NKAIN3: variants seen among roughly 807,000 people sequenced by gnomAD.
NKAIN3 encodes sodium/potassium transporting ATPase interacting 3.
NKAIN3 carries 25 observed loss-of-function variants against 30.2 expected under a neutral mutation model. That is an observed-to-expected ratio of 0.83 (90% CI 0.60 to 1.16). NKAIN3 has a LOEUF of 1.16. Ranked by LOEUF, NKAIN3 falls within the 50% of genes most tolerant of loss-of-function variation. The pLI is 0.00. For missense variants in NKAIN3, 225 were observed against 254.1 expected (o/e 0.89, Z 0.78); for synonymous variants, 91 against 89.6 (o/e 1.02, Z -0.09).
At chr8:62,518,943 C>G (rs189848158) in intron 1 of NKAIN3, among the ~76,000 whole-genome samples, 3 of 152,242 alleles carry the variant, frequency 2.0e-5, no homozygotes, top group Admixed American at 2.0e-4. Flanking sequence ...ACTAGGCAAT[C>G]TCTCAGAGTC....
At chr8:62,908,112 A>G (rs566032386) in intron 4 of NKAIN3, among the ~76,000 whole-genome samples, 2 of 152,260 alleles carry the variant, frequency 1.3e-5, no homozygotes, top group South Asian at 4.1e-4. Context: ...CATCAGTGTG[A>G]CCCGGATGTG....
rs1810595033 is a variant in NKAIN3 at position 62,589,801 on chromosome 8, T to A, written c.273+7T>A. The A allele has an allele frequency of 6.6e-7, 1 of 1,521,780 alleles. No homozygotes were observed. The highest frequency in any genetic ancestry group is 1.4e-5 in the African/African-American group (1 of 72,570). 94.3% of individuals were successfully genotyped at this position (1,521,780 alleles called of 1,614,324 possible). A position where few individuals can be genotyped will look rare whatever the true frequency, so the allele number is the denominator to read the frequency against. ...AGTAGGTGGACTCTCAAAGGTGAGT[T>A]TATCATGCTTTTAAAGTACACTTTA... On this transcript the variant is annotated splice_region_variant and intron_variant, in intron 3 of 6. Transcript: ENST00000623646.
rs561410539 is a variant in NKAIN3 at position 62,769,984 on chromosome 8, C to T, written c.471+22855C>T. On this transcript the variant is annotated intron_variant, in intron 4 of 6. Coordinates refer to ENST00000623646, the MANE Select transcript of NKAIN3 (RefSeq NM_001304533.3). ...TACTCATGCCCTTGCATAATCCTCTCCTCTTGAGTGTGAGTAGCATCTGGG... is the reference window on the plus strand; with the variant it reads ...TACTCATGCCCTTGCATAATCCTCTTCTCTTGAGTGTGAGTAGCATCTGGG... Among the ~76,000 whole-genome samples the T allele has an allele frequency of 2.6e-5, 4 of 152,294 alleles. No homozygotes were observed. In the East Asian group the frequency reaches 5.8e-4, roughly 22 times the overall value.
At chr8:62,511,512 A>T (rs1479593268) in intron 1 of NKAIN3, among the ~76,000 whole-genome samples, 1 of 152,150 alleles carries the variant, frequency 6.6e-6, no homozygotes, top group Non-Finnish European at 1.5e-5. Context: ...TTTTCTAAAC[A>T]ATAGTGGTGT....
At chr8:62,335,353 G>A (rs1815506238) in intron 1 of NKAIN3, among the ~76,000 whole-genome samples, 1 of 151,358 alleles carries the variant, frequency 6.6e-6, no homozygotes, top group African/African-American at 2.4e-5. Flanking sequence ...TTGAACTCGG[G>A]AGGTGGAGGT....
At chr8:62,679,959 G>C (rs923100261) in intron 3 of NKAIN3, among the ~76,000 whole-genome samples, 7 of 152,144 alleles carry the variant, frequency 4.6e-5, no homozygotes, top group Admixed American at 4.6e-4. Context: ...ATCTAGGTGA[G>C]CTTTATCTAA....
At chr8:62,580,015 C>T (rs959810465) in intron 2 of NKAIN3, among the ~76,000 whole-genome samples, 1 of 152,156 alleles carries the variant, frequency 6.6e-6, no homozygotes. Context: ...ATGCAATGTA[C>T]ATTAACCATT....
intron 4 of NKAIN3, among the ~76,000 whole-genome samples, chr8:62,820,408 G>T (rs576195611): frequency 6.6e-6 from 1 of 152,294 alleles, no homozygotes; most frequent in African/African-American, 2.4e-5. Context: ...ACTGTAAGAG[G>T]TGGGAAGAAG....
chr8:62,939,704 TGAGA>T (rs1822895403), intron 5 of NKAIN3, among the ~76,000 whole-genome samples: 1 of 152,036 alleles, frequency 6.6e-6, no homozygotes, highest in African/African-American at 2.4e-5. Flanking sequence ...AAAAAAATGC[TGAGA>T]GAATTTGCCA....
intron 3 of NKAIN3, among the ~76,000 whole-genome samples, chr8:62,726,662 A>G (rs1346801025): frequency 1.3e-5 from 2 of 151,956 alleles, no homozygotes; most frequent in Admixed American, 1.3e-4. Flanking sequence ...CCTTATATTT[A>G]TTATATTTAT....
intron 1 of NKAIN3, among the ~76,000 whole-genome samples, chr8:62,362,423 T>C (rs1469180294): frequency 6.6e-6 from 1 of 152,048 alleles, no homozygotes; most frequent in Non-Finnish European, 1.5e-5. Flanking sequence ...GGAAAATGAA[T>C]AAGAAACACT....
rs1389800344 is a variant in NKAIN3 at position 62,345,296 on chromosome 8, CAT to C, written c.54+96176_54+96177del. Reference sequence around the variant, plus strand: ...ACACATATACACGCACATATACACACATATATATGTATATATACACACATATA... The same window carrying C: ...ACACATATACACGCACATATACACACATATATGTATATATACACACATATA... On this transcript the variant is annotated intron_variant, in intron 1 of 6. Transcript: ENST00000623646. Among the ~76,000 whole-genome samples, 51 of 140,730 alleles carry C rather than the reference CAT, an allele frequency of 3.6e-4. 2 individuals are homozygous for C. Among genetic ancestry groups the C allele is most frequent in the African/African-American group, 9.4e-4 (35 of 37,326 alleles). 92.3% of individuals were successfully genotyped at this position (140,730 alleles called of 152,430 possible).
chr8:62,971,487 A>ATTAG lies in NKAIN3; in HGVS notation c.*6080_*6081insTTAG, dbSNP rs150415612. Among the ~76,000 whole-genome samples the ATTAG allele has an allele frequency of 0.1, 15,877 of 151,894 alleles. 865 individuals carry two copies. The highest frequency in any genetic ancestry group is 0.17 in the South Asian group (800 of 4,808). On this transcript the variant is annotated 3_prime_UTR_variant, in exon 7 of 7. Coordinates refer to ENST00000623646, the MANE Select transcript of NKAIN3 (RefSeq NM_001304533.3). ...CCCCATACCTACAAAAAATACAAAA[A>ATTAG]CCAGCTGTGGCGGTGTGTGCCTATA...
chr8:62,700,124 C>T (rs1304492207), intron 3 of NKAIN3, among the ~76,000 whole-genome samples: 2 of 150,696 alleles, frequency 1.3e-5, no homozygotes, highest in Non-Finnish European at 3.0e-5. Context: ...GACCCTGTCT[C>T]GAAAAAAAAA....
intron 1 of NKAIN3, among the ~76,000 whole-genome samples, chr8:62,311,696 G>T (rs1434488102): frequency 6.6e-6 from 1 of 150,404 alleles, no homozygotes; most frequent in East Asian, 1.9e-4. Context: ...ATCTCCACAT[G>T]GACGTGCCAC....
At chr8:62,895,422 T>C (rs1471785984) in intron 4 of NKAIN3, among the ~76,000 whole-genome samples, 1 of 152,114 alleles carries the variant, frequency 6.6e-6, no homozygotes, top group Non-Finnish European at 1.5e-5. Context: ...GCTTCCAGAG[T>C]CTACTAGAAA....
At chr8:62,817,659 A>G (rs1818725598) in intron 4 of NKAIN3, among the ~76,000 whole-genome samples, 1 of 152,156 alleles carries the variant, frequency 6.6e-6, no homozygotes, top group Non-Finnish European at 1.5e-5. Flanking sequence ...CTCTGAGAGC[A>G]TCTTGTGAAG....
chr8:62,881,614 T>A (rs1820984528), intron 4 of NKAIN3, among the ~76,000 whole-genome samples: 1 of 152,230 alleles, frequency 6.6e-6, no homozygotes, highest in Non-Finnish European at 1.5e-5. Context: ...TGTCTAGATA[T>A]ACCACAGTTT....
chr8:62,807,979 TA>T (rs1294772309), intron 4 of NKAIN3, among the ~76,000 whole-genome samples: 2 of 152,070 alleles, frequency 1.3e-5, no homozygotes, highest in Non-Finnish European at 2.9e-5. Context: ...TTTCAAATTT[TA>T]AAAAAGACAT....
Sources: allele counts gnomAD v4.1 joint callset (sites outside exome capture counted in the v4.1 genomes callset), GRCh38; gene constraint gnomAD v4.1.1; transcripts MANE v1.5; gene names NCBI Gene and HGNC (gene_info 2026-07-23, HGNC 2026-07-21).